Variants in DLGAP2 observed in about 807,000 individuals in gnomAD.
DLGAP2 encodes disks large-associated protein 2.
A neutral mutation model predicts 100.3 loss-of-function variants in DLGAP2; 26 were observed. The observed-to-expected ratio is 0.26, with a 90% CI of 0.19 to 0.36. The LOEUF (loss-of-function observed/expected upper bound fraction) is 0.36, where lower values mean the gene tolerates loss of function less well. Ranked by LOEUF, DLGAP2 falls within the 10% of genes least tolerant of loss-of-function variation. The pLI, the probability that DLGAP2 is intolerant of heterozygous loss-of-function variation, is 1.00. For missense variants in DLGAP2, 1,858 were observed against 1,453.2 expected (o/e 1.28, Z -4.53); for synonymous variants, 886 against 630.1 (o/e 1.41, Z -6.08).
chr8:1,288,772 C>T (rs1462566939), intron 3 of DLGAP2, among the ~76,000 whole-genome samples: 1 of 128,208 alleles, frequency 7.8e-6, no homozygotes, highest in South Asian at 2.7e-4. Flanking sequence ...AGTTTCGGTT[C>T]AGTGTGTGTG....
rs768403042 is a variant in DLGAP2, at chr8:1,668,540, C to T, written c.2022C>T (p.Asn674=). 4 of 1,592,178 alleles carry T rather than the reference C, an allele frequency of 2.5e-6. No individual in the cohort carries two copies. The highest frequency in any genetic ancestry group is 3.4e-6 in the Non-Finnish European group (4 of 1,170,474). Residue 674 remains asparagine, a synonymous_variant, in exon 9 of 15, where the codon AAC becomes AAT. Coordinates refer to ENST00000637795, the MANE Select transcript of DLGAP2 (RefSeq NM_001346810.2). The part of the protein sequence containing the change: ...TDSLDSNKAM[N]LALETAAAQR... ...GCCTGGACAGCAACAAGGCCATGAACCTCGCGCTGGAAACGGCCGCTGCCC... is the reference window on the plus strand; with the variant it reads ...GCCTGGACAGCAACAAGGCCATGAATCTCGCGCTGGAAACGGCCGCTGCCC...
chr8:850,769 A>C (rs193017146), intron 1 of DLGAP2, among the ~76,000 whole-genome samples: 1 of 152,316 alleles, frequency 6.6e-6, no homozygotes, highest in East Asian at 1.9e-4. Context: ...TCCTGAAAGT[A>C]TGCCACAGTG....
intron 4 of DLGAP2, among the ~76,000 whole-genome samples, chr8:1,523,380 G>T (rs1243068760): frequency 6.6e-6 from 1 of 152,210 alleles, no homozygotes; most frequent in East Asian, 1.9e-4. Context: ...ACAGACGGGG[G>T]ATTTGCCGGC....
At chr8:835,412 C>G (rs1271520872) in intron 1 of DLGAP2, among the ~76,000 whole-genome samples, 2 of 152,052 alleles carry the variant, frequency 1.3e-5, no homozygotes, top group Admixed American at 6.5e-5. Context: ...GACATCGCTC[C>G]CAGGCCAGGC....
rs548982691 is a variant in DLGAP2 at position 1,242,373 on chromosome 8, T to G, written c.74-16478T>G. 3.3e-5 allele frequency among the ~76,000 whole-genome samples: 5 copies of G among 152,304 alleles called. No individual in the cohort carries two copies. In the East Asian group the frequency reaches 9.7e-4, roughly 29 times the overall value. ...TACCTGCTCATGGCTAGAAAGTGCA[T>G]GGAATGGGCAAGGCCCCACATCACC... is the stretch of plus-strand genomic sequence containing the variant. On this transcript the variant is annotated intron_variant, in intron 2 of 14. Coordinates refer to ENST00000637795, the MANE Select transcript of DLGAP2 (RefSeq NM_001346810.2).
At chr8:1,425,879 C>T (rs1330213042) in intron 3 of DLGAP2, among the ~76,000 whole-genome samples, 1 of 152,090 alleles carries the variant, frequency 6.6e-6, no homozygotes, top group Non-Finnish European at 1.5e-5. Context: ...CGGACTGGAG[C>T]TTGGTGTCTG....
intron 3 of DLGAP2, among the ~76,000 whole-genome samples, chr8:1,270,617 C>T (rs1419089209): frequency 6.6e-6 from 1 of 152,034 alleles, no homozygotes; most frequent in East Asian, 1.9e-4. Flanking sequence ...ACTTCTCTGA[C>T]CCTGACGTTC....
At chr8:1,237,646 C>CTCTTCTAGT (rs2116850252) in intron 2 of DLGAP2, among the ~76,000 whole-genome samples, 9 of 145,230 alleles carry the variant, frequency 6.2e-5, no homozygotes, top group Non-Finnish European at 1.1e-4. Flanking sequence ...GTCTAGTTCT[C>CTCTTCTAGT]TCTCACACAT....
At chr8:768,701 G>A (rs1821278417) in intron 1 of DLGAP2, among the ~76,000 whole-genome samples, 1 of 152,102 alleles carries the variant, frequency 6.6e-6, no homozygotes, top group Admixed American at 6.6e-5. Flanking sequence ...TGGGATTACA[G>A]ATGGCGCTGA....
rs1222014684 is a variant in DLGAP2, at chr8:1,705,474, C to G, written c.*4068C>G. 2.0e-5 allele frequency: 3 copies of G among 152,306 alleles called. No homozygotes were observed. The highest frequency in any genetic ancestry group is 4.4e-5 in the Non-Finnish European group (3 of 68,116). 9.4% of individuals were successfully genotyped at this position (152,306 alleles called of 1,614,324 possible). On this transcript the variant is annotated 3_prime_UTR_variant, in exon 15 of 15. Coordinates refer to ENST00000637795, the MANE Select transcript of DLGAP2 (RefSeq NM_001346810.2). Reference sequence around the variant, plus strand: ...CCTTGATGACAGGGCCCCCCACGAACCTGGGAAAGGCAGCGGGAAATGTGT... The same window carrying G: ...CCTTGATGACAGGGCCCCCCACGAAGCTGGGAAAGGCAGCGGGAAATGTGT...
intron 1 of DLGAP2, among the ~76,000 whole-genome samples, chr8:785,913 C>T (rs1821849541): frequency 6.6e-6 from 1 of 152,160 alleles, no homozygotes; most frequent in South Asian, 2.1e-4. Flanking sequence ...GGGCCCCTCC[C>T]GGGTGCTGCA....
intron 2 of DLGAP2, among the ~76,000 whole-genome samples, chr8:1,118,360 T>G (rs1015673325): frequency 4.6e-5 from 7 of 152,198 alleles, no homozygotes; most frequent in Admixed American, 3.9e-4. Context: ...TTACATTGTC[T>G]TTGTTCAGTT....
At position 949,124 on chromosome 8, in the gene DLGAP2, G is replaced by A. The variant is rs139751502; in HGVS notation, c.73+41158G>A. Among the ~76,000 whole-genome samples the A allele has an allele frequency of 1.3e-3, 200 of 152,362 alleles. 1 individual carries two copies. The highest frequency in any genetic ancestry group is 4.6e-3 in the African/African-American group (192 of 41,592). On this transcript the variant is annotated intron_variant, in intron 2 of 14. Transcript: ENST00000637795. ...GGTTGGAGGTCGTGGCTCTGGAGAG[G>A]TTGGGTATTTAGAGATACAGCTGAA...
chr8:1,707,191 T>C lies in DLGAP2; in HGVS notation c.*5785T>C, dbSNP rs1167399207. 6.6e-6 allele frequency: 1 copy of C among 152,660 alleles called. No individual in the cohort carries two copies. Among genetic ancestry groups the C allele is most frequent in the Admixed American group, 6.5e-5 (1 of 15,282 alleles). The allele number at this position is 152,660 out of a possible 1,614,324, so 9.5% of individuals were successfully genotyped here. On this transcript the variant is annotated 3_prime_UTR_variant, in exon 15 of 15. Transcript: ENST00000637795. Reference sequence around the variant, plus strand: ...GGTGCTTATTCAGAACCTGAAAGCCTTGGGCATCCAAGCTTTCACCTACTC... The same window carrying C: ...GGTGCTTATTCAGAACCTGAAAGCCCTGGGCATCCAAGCTTTCACCTACTC...
intron 3 of DLGAP2, among the ~76,000 whole-genome samples, chr8:1,309,660 T>A (rs1377355863): frequency 6.6e-6 from 1 of 152,190 alleles, no homozygotes; most frequent in East Asian, 1.9e-4. Context: ...TCAGCGATGG[T>A]GAATACAGGG....
At chr8:1,370,626 G>T (rs62484160) in intron 3 of DLGAP2, among the ~76,000 whole-genome samples, 1 of 152,212 alleles carries the variant, frequency 6.6e-6, no homozygotes, top group Non-Finnish European at 1.5e-5. Flanking sequence ...CAGGGAGCAC[G>T]GGGAGCTGTC....
intron 2 of DLGAP2, among the ~76,000 whole-genome samples, chr8:1,096,165 A>C (rs890778363): frequency 6.6e-6 from 1 of 152,210 alleles, no homozygotes; most frequent in African/African-American, 2.4e-5. Flanking sequence ...ACCTGTTTTC[A>C]TGCTGTTCAC....
chr8:1,634,926 A>G (rs965161788), intron 8 of DLGAP2, among the ~76,000 whole-genome samples: 2 of 152,238 alleles, frequency 1.3e-5, no homozygotes, highest in Admixed American at 6.5e-5. Flanking sequence ...TTACAAAAAA[A>G]AGATTCCATT....
intron 2 of DLGAP2, among the ~76,000 whole-genome samples, chr8:928,312 C>T (rs1798863812): frequency 6.6e-6 from 1 of 152,160 alleles, no homozygotes; most frequent in African/African-American, 2.4e-5. Context: ...ACTAGGCATC[C>T]TGGACAGGGA....
Sources: allele counts gnomAD v4.1 joint callset (sites outside exome capture counted in the v4.1 genomes callset), GRCh38; gene constraint gnomAD v4.1.1; transcripts MANE v1.5; gene names NCBI Gene and HGNC (gene_info 2026-07-23, HGNC 2026-07-21).